Variants in RTF1 observed in about 807,000 individuals in gnomAD.
RTF1 encodes RTF1 homolog, Paf1/RNA polymerase II complex component, also known as RNA polymerase-associated protein RTF1 homolog.
RTF1 carries 10 observed loss-of-function variants against 95.7 expected under a neutral mutation model. The observed-to-expected ratio is 0.10, with a 90% CI of 0.06 to 0.18. The LOEUF is 0.18. RTF1 is among the 10% of genes least tolerant of loss of function. The pLI, the probability that RTF1 is intolerant of heterozygous loss-of-function variation, is 1.00. For synonymous variants in RTF1, 305 were observed against 311.8 expected (o/e 0.98, Z 0.23); for missense variants, 458 against 875.6 (o/e 0.52, Z 6.02).
chr15:41,417,216 G>T lies in RTF1; in HGVS notation c.101G>T (p.Arg34Leu). The change falls in exon 1 of 18, where the codon CGT (arginine) becomes CTT (leucine). Residue 34 changes from arginine (R) to leucine (L), a missense_variant. Around this residue, in one of 11 missense-constraint regions of RTF1, gnomAD observed 81 missense variants for 59.9 expected, o/e 1.35. Coordinates refer to ENST00000389629, the MANE Select transcript of RTF1 (RefSeq NM_015138.5). The part of the protein sequence containing the change: ...GQEGSPGGGR[R>L]GSRGTTMVKK... ...GAGGGGAGTCCGGGCGGCGGCCGGC[G>T]TGGGAGCCGGGGGACCACCATGGTA... 1 of 1,262,436 alleles carries T rather than the reference G, an allele frequency of 7.9e-7. No individual in the cohort carries two copies. Among genetic ancestry groups the T allele is most frequent in the Non-Finnish European group, 1.0e-6 (1 of 998,488 alleles). 78.2% of individuals were successfully genotyped at this position (1,262,436 alleles called of 1,614,324 possible). A position where few individuals can be genotyped will look rare whatever the true frequency, so the allele number is the denominator to read the frequency against.
intron 1 of RTF1, among the ~76,000 whole-genome samples, chr15:41,426,808 TG>T (rs1288505084): frequency 0.01 from 1,435 of 139,626 alleles, 36 homozygotes; most frequent in African/African-American, 0.036. Flanking sequence ...TGTGTGTGTG[TG>T]TGTGTGTGTG....
Position 41,475,583 on chromosome 15 carries a change from G to A in RTF1, c.1345G>A (p.Glu449Lys), listed in dbSNP as rs2050938202. The A allele has an allele frequency of 1.9e-6, 3 of 1,613,968 alleles. No homozygotes were observed. The highest frequency in any genetic ancestry group is 1.7e-6 in the Non-Finnish European group (2 of 1,179,988). Residue 449 changes from glutamate (E) to lysine (K), a missense_variant, in exon 10 of 18, where the codon GAA becomes AAA. Coordinates refer to ENST00000389629, the MANE Select transcript of RTF1 (RefSeq NM_015138.5). ...LEFVSNQEFT[E>K]SEFMKWKEAM... ...GTTTGTCTCAAACCAAGAATTCACC[G>A]AAAGTGAGTTTATGAAGTGGAAAGA...
chr15:41,476,546 C>T, intron 12 of RTF1, 23 bp downstream of exon 12: 1 of 1,590,594 alleles, frequency 6.3e-7, no homozygotes, highest in Non-Finnish European at 8.6e-7. Flanking sequence ...ACTCGAGCCT[C>T]TTTCCTCATC....
intron 11 of RTF1, 52 bp downstream of exon 11, chr15:41,475,871 A>T: frequency 1.1e-6 from 1 of 881,024 alleles, no homozygotes; most frequent in Non-Finnish European, 1.8e-6. Flanking sequence ...ACCAGTGTTG[A>T]GAGAACATGA....
chr15:41,417,579 G>T (rs1400028254), intron 1 of RTF1, among the ~76,000 whole-genome samples: 1 of 152,190 alleles, frequency 6.6e-6, no homozygotes, highest in Non-Finnish European at 1.5e-5. Flanking sequence ...GGGCTCGGGG[G>T]TAGCGAAAGG....
chr15:41,433,541 G>T (rs189642859), intron 1 of RTF1, among the ~76,000 whole-genome samples: 11 of 151,960 alleles, frequency 7.2e-5, no homozygotes, highest in Admixed American at 3.3e-4. Flanking sequence ...CACCATGTTG[G>T]CCAGGCACAC....
intron 2 of RTF1, among the ~76,000 whole-genome samples, chr15:41,444,829 C>A (rs1294034416): frequency 6.6e-6 from 1 of 152,162 alleles, no homozygotes; most frequent in Non-Finnish European, 1.5e-5. Context: ...GTCAGGAAGC[C>A]AGGGAATGCC....
At chr15:41,431,803 CTT>C (rs112428098) in intron 1 of RTF1, among the ~76,000 whole-genome samples, 12 of 143,902 alleles carry the variant, frequency 8.3e-5, no homozygotes, top group Admixed American at 7.0e-5. Flanking sequence ...CTGGCTCATA[CTT>C]TTTTTTTTTT....
chr15:41,480,182 T>A (rs1737894708), intron 16 of RTF1, 32 bp from the exon 17 acceptor site: 1 of 1,375,548 alleles, frequency 7.3e-7, no homozygotes, highest in Non-Finnish European at 1.0e-6. Context: ...GCATTTATGC[T>A]CTTACCATTA....
intron 2 of RTF1, among the ~76,000 whole-genome samples, chr15:41,444,095 A>T (rs966121107): frequency 9.9e-5 from 15 of 150,848 alleles, no homozygotes; most frequent in South Asian, 2.1e-4. Context: ...AAGAAAAATT[A>T]AAAAAAAATT....
At chr15:41,435,958 A>G (rs556920652) in intron 1 of RTF1, among the ~76,000 whole-genome samples, 8 of 152,200 alleles carry the variant, frequency 5.3e-5, no homozygotes, top group East Asian at 3.9e-4. Flanking sequence ...TGGCTCTATC[A>G]TGTACCAGCT....
chr15:41,418,610 A>G (rs1400089265), intron 1 of RTF1, among the ~76,000 whole-genome samples: 7 of 152,104 alleles, frequency 4.6e-5, no homozygotes, highest in Non-Finnish European at 7.3e-5. Context: ...CGGGAGTTCG[A>G]GACCAGCCTG....
intron 4 of RTF1, among the ~76,000 whole-genome samples, chr15:41,462,466 C>T (rs1448623304): frequency 2.0e-5 from 3 of 152,098 alleles, no homozygotes; most frequent in African/African-American, 7.2e-5. Context: ...TCTCTTCCTG[C>T]CTCAGCTTCC....
intron 1 of RTF1, among the ~76,000 whole-genome samples, chr15:41,436,499 C>T (rs996424327): frequency 4.6e-5 from 7 of 150,892 alleles, no homozygotes; most frequent in Non-Finnish European, 8.8e-5. Flanking sequence ...TGGTGGGTGC[C>T]TGTAGTCCCA....
intron 1 of RTF1, among the ~76,000 whole-genome samples, chr15:41,436,283 C>T (rs2050701731): frequency 7.2e-6 from 1 of 138,260 alleles, no homozygotes; most frequent in South Asian, 2.3e-4. Context: ...AATCCCGTCT[C>T]TACTAAAAAA....
chr15:41,426,255 C>T (rs902504708), intron 1 of RTF1, among the ~76,000 whole-genome samples: 5 of 151,966 alleles, frequency 3.3e-5, no homozygotes, highest in Non-Finnish European at 7.4e-5. Flanking sequence ...TCCTGAGTAG[C>T]TGGGATTACA....
chr15:41,424,721 A>G (rs549520746), intron 1 of RTF1, among the ~76,000 whole-genome samples: 2 of 152,258 alleles, frequency 1.3e-5, no homozygotes, highest in Admixed American at 1.3e-4. Flanking sequence ...AAAAGAGAAA[A>G]GTTTTTTGGC....
rs201711750 is a variant in RTF1 at position 41,468,175 on chromosome 15, A to AT, written c.889+1923_889+1924insT. Reference sequence around the variant, plus strand: ...GAGTGAGACTCTGTCTCAAAAAAAAAGAAAAAGAAATAATAACGTGTTCTG... The same window carrying AT: ...GAGTGAGACTCTGTCTCAAAAAAAAATGAAAAAGAAATAATAACGTGTTCTG... On this transcript the variant is annotated intron_variant, in intron 6 of 17. Transcript: ENST00000389629. Among the ~76,000 whole-genome samples, 7 of 152,136 alleles carry AT rather than the reference A, an allele frequency of 4.6e-5. No individual in the cohort carries two copies. The South Asian group carries it at 8.3e-4, about 18-fold the overall frequency.
intron 2 of RTF1, among the ~76,000 whole-genome samples, chr15:41,439,457 T>G (rs1415723586): frequency 6.6e-6 from 1 of 152,124 alleles, no homozygotes; most frequent in Non-Finnish European, 1.5e-5. Flanking sequence ...GGAAGATTGA[T>G]TCAACATCCC....
Sources: gnomAD v4.1 joint callset for allele counts (sites outside exome capture counted in the v4.1 genomes callset) on GRCh38, gnomAD v4.1.1 for gene constraint, gnomAD v4.1.1 regional missense constraint, MANE v1.5 for transcripts, NCBI Gene and HGNC (gene_info 2026-07-23, HGNC 2026-07-21) for gene names.